GRID2: variants seen among roughly 807,000 people sequenced by gnomAD.
GRID2 encodes the protein glutamate ionotropic receptor delta type subunit 2.
In GRID2, 33 loss-of-function variants were observed where a neutral mutation model predicts 114.8. The ratio of observed to expected loss-of-function variants is 0.29; its 90% CI spans 0.22 to 0.38. The LOEUF (loss-of-function observed/expected upper bound fraction) is 0.38, where lower values mean the gene tolerates loss of function less well. Among genes scored for constraint, GRID2 ranks in the 10% least tolerant of loss-of-function variants. The probability of loss-of-function intolerance (pLI) is 1.00; values close to 1 mark genes in which losing one functional copy is unlikely to be tolerated. For missense variants in GRID2, 1,184 were observed against 1,257.7 expected (o/e 0.94, Z 0.89); for synonymous variants, 505 against 449.9 (o/e 1.12, Z -1.55).
chr4:92,697,224 T>A (rs1443867273), intron 2 of GRID2, among the ~76,000 whole-genome samples: 1 of 152,160 alleles, frequency 6.6e-6, no homozygotes, highest in Non-Finnish European at 1.5e-5. Context: ...TCTTGTTGTC[T>A]TAATGACCAT....
chr4:92,958,265 T>A (rs1752561462), intron 2 of GRID2, among the ~76,000 whole-genome samples: 1 of 152,086 alleles, frequency 6.6e-6, no homozygotes, highest in Non-Finnish European at 1.5e-5. Flanking sequence ...TCAAGCATGA[T>A]GTTGGCCATC....
At chr4:92,456,467 G>A (rs1184460550) in intron 1 of GRID2, among the ~76,000 whole-genome samples, 2 of 152,030 alleles carry the variant, frequency 1.3e-5, no homozygotes, top group Non-Finnish European at 2.9e-5. Context: ...TTGGTGATTA[G>A]GAAGTCTCTT....
chr4:92,492,240 CG>C (rs990951714), intron 1 of GRID2, among the ~76,000 whole-genome samples: 2 of 152,022 alleles, frequency 1.3e-5, no homozygotes, highest in Non-Finnish European at 2.9e-5. Flanking sequence ...AAGACTCTAC[CG>C]AACTGTCAAG....
At chr4:93,103,603 G>A (rs1283528479) in intron 3 of GRID2, among the ~76,000 whole-genome samples, 5 of 151,950 alleles carry the variant, frequency 3.3e-5, no homozygotes, top group Non-Finnish European at 7.4e-5. Context: ...CATCAGGGAC[G>A]ATATGCTTAT....
At chr4:93,600,359 C>G (rs1173350764) in intron 13 of GRID2, among the ~76,000 whole-genome samples, 1 of 151,378 alleles carries the variant, frequency 6.6e-6, no homozygotes, top group Non-Finnish European at 1.5e-5. Flanking sequence ...ATATAAAGAA[C>G]TAAAATCAAT....
intron 2 of GRID2, among the ~76,000 whole-genome samples, chr4:92,923,511 A>C (rs984518733): frequency 1.3e-5 from 2 of 152,220 alleles, no homozygotes; most frequent in African/African-American, 4.8e-5. Flanking sequence ...AATCAATAAA[A>C]AAATCACTTT....
chr4:92,530,729 CT>C (rs973554420), intron 1 of GRID2, among the ~76,000 whole-genome samples: 2 of 128,772 alleles, frequency 1.6e-5, no homozygotes, highest in Non-Finnish European at 3.3e-5. Context: ...GTGAAACCCC[CT>C]CTACTAAAAA....
intron 9 of GRID2, among the ~76,000 whole-genome samples, chr4:93,398,583 A>C (rs536930673): frequency 6.6e-6 from 1 of 152,020 alleles, no homozygotes; most frequent in Non-Finnish European, 1.5e-5. Context: ...TTCCAGGCTG[A>C]ATAAAACAAT....
chr4:92,329,993 A>AAGAGAGAGAGAGAG lies in GRID2; in HGVS notation c.88+25269_88+25282dup, dbSNP rs3076580. 8.4e-3 allele frequency among the ~76,000 whole-genome samples: 1,109 copies of AAGAGAGAGAGAGAG among 132,494 alleles called. 23 individuals are homozygous for AAGAGAGAGAGAGAG. The highest frequency in any genetic ancestry group is 0.024 in the African/African-American group (824 of 34,330). The allele number at this position is 132,494 out of a possible 152,430, so 86.9% of individuals were successfully genotyped here. A position where few individuals can be genotyped will look rare whatever the true frequency, so the allele number is the denominator to read the frequency against. On this transcript the variant is annotated intron_variant, in intron 1 of 15. Coordinates refer to ENST00000282020, the MANE Select transcript of GRID2 (RefSeq NM_001510.4). Reference sequence around the variant, plus strand: ...AAAAAGGAAGAGGAGTATGGGAGGAAAGAGAGAGAGAGAGAGAGAGAGAGA... The same window carrying AAGAGAGAGAGAGAG: ...AAAAAGGAAGAGGAGTATGGGAGGAAAGAGAGAGAGAGAGAGAGAGAGAGAGAGAGAGAGAGAGA...
chr4:93,110,769 T>C lies in GRID2; in HGVS notation c.551T>C (p.Phe184Ser), dbSNP rs1284107927. Residue 184 changes from phenylalanine to serine, a missense_variant, in exon 4 of 16, where the codon TTC (phenylalanine) becomes TCC (serine). Phe to Ser is a radical substitution (Grantham distance 155). Around this residue, in one of 3 missense-constraint regions of GRID2, gnomAD observed 455 missense variants for 429.5 expected, o/e 1.06. Transcript: ENST00000282020. ...SEYDIRGIQE[F>S]LDKVSQQGMD... Reference sequence around the variant, plus strand: ...CCAGATATCCGTGGAATACAGGAGTTCTTGGACAAAGTCTCTCAGCAGGGA... The same window carrying C: ...CCAGATATCCGTGGAATACAGGAGTCCTTGGACAAAGTCTCTCAGCAGGGA... The C allele has an allele frequency of 6.2e-7, 1 of 1,611,870 alleles. No individual in the cohort carries two copies.
intron 1 of GRID2, among the ~76,000 whole-genome samples, chr4:92,347,380 C>A (rs1474099294): frequency 6.6e-6 from 1 of 152,108 alleles, no homozygotes; most frequent in East Asian, 1.9e-4. Flanking sequence ...GGCTTATTTG[C>A]TAGTGAGATA....
intron 2 of GRID2, among the ~76,000 whole-genome samples, chr4:92,618,745 G>A (rs951244938): frequency 6.6e-6 from 1 of 151,600 alleles, no homozygotes; most frequent in African/African-American, 2.4e-5. Context: ...ACACTTCATT[G>A]AATAAATACT....
chr4:93,354,622 T>C (rs533209271), intron 8 of GRID2, among the ~76,000 whole-genome samples: 39 of 150,586 alleles, frequency 2.6e-4, no homozygotes, highest in African/African-American at 9.3e-4. Context: ...TAAACTACGC[T>C]AAAGTAGGTA....
chr4:92,664,772 C>A (rs1052404069), intron 2 of GRID2, among the ~76,000 whole-genome samples: 2 of 151,120 alleles, frequency 1.3e-5, no homozygotes, highest in African/African-American at 4.8e-5. Flanking sequence ...GTTATTAATA[C>A]ATAATGTCCT....
chr4:92,769,111 A>G (rs1247063991), intron 2 of GRID2, among the ~76,000 whole-genome samples: 2 of 152,160 alleles, frequency 1.3e-5, no homozygotes, highest in Non-Finnish European at 2.9e-5. Context: ...TTCTAGATAC[A>G]ATGGGGGGTA....
chr4:92,670,813 G>C (rs898778185), intron 2 of GRID2, among the ~76,000 whole-genome samples: 1 of 152,002 alleles, frequency 6.6e-6, no homozygotes, highest in Non-Finnish European at 1.5e-5. Context: ...GGCTTAGAGA[G>C]GATAAGTAGT....
intron 15 of GRID2, among the ~76,000 whole-genome samples, chr4:93,771,673 G>A (rs1734120672): frequency 6.6e-6 from 1 of 151,952 alleles, no homozygotes; most frequent in Admixed American, 6.6e-5. Context: ...ATTTAACTTG[G>A]AATGAGACGC....
chr4:93,707,845 A>T (rs1728143221), intron 14 of GRID2, among the ~76,000 whole-genome samples: 1 of 151,606 alleles, frequency 6.6e-6, no homozygotes, highest in South Asian at 2.1e-4. Flanking sequence ...TCTTCCTCTT[A>T]GTATTACTTT....
intron 4 of GRID2, among the ~76,000 whole-genome samples, chr4:93,191,924 C>CATA (rs1347811412): frequency 6.6e-6 from 1 of 152,158 alleles, no homozygotes; most frequent in Non-Finnish European, 1.5e-5. Flanking sequence ...TCATTATACC[C>CATA]ATAATATCTT....
Sources: allele counts gnomAD v4.1 joint callset (sites outside exome capture counted in the v4.1 genomes callset), GRCh38; gene constraint gnomAD v4.1.1; regional missense constraint gnomAD v4.1.1; transcripts MANE v1.5; gene names NCBI Gene and HGNC (gene_info 2026-07-23, HGNC 2026-07-21).